Variants in KAZN observed in about 807,000 individuals in gnomAD.
The protein encoded by KAZN is kazrin.
Under a neutral mutation model 87.4 loss-of-function variants are expected in KAZN, and 40 were observed. The ratio of observed to expected loss-of-function variants is 0.46; its 90% confidence interval spans 0.36 to 0.60. The LOEUF is 0.60. Ranked by LOEUF, KAZN falls within the 20% of genes least tolerant of loss-of-function variation. KAZN has a pLI of 0.00. For missense variants in KAZN, 898 were observed against 1,073.9 expected (o/e 0.84, Z 2.29); for synonymous variants, 466 against 458.3 (o/e 1.02, Z -0.22).
intron 1 of KAZN, among the ~76,000 whole-genome samples, chr1:14,836,166 A>T (rs1647248129): frequency 6.6e-6 from 1 of 152,198 alleles, no homozygotes; most frequent in South Asian, 2.1e-4. Context: ...TGAAGCCTGC[A>T]TGCCCACCTC....
At chr1:14,396,417 C>T (rs548883432) in intron 2 of KAZN, among the ~76,000 whole-genome samples, 72 of 152,254 alleles carry the variant, frequency 4.7e-4, no homozygotes, top group Non-Finnish European at 4.9e-4. Flanking sequence ...CATACAGGTT[C>T]CAAAAAATGA....
intron 2 of KAZN, among the ~76,000 whole-genome samples, chr1:14,558,323 G>T (rs997192247): frequency 6.6e-6 from 1 of 152,158 alleles, no homozygotes. Context: ...GGGCTCAGCT[G>T]CAAGTACCAA....
intron 2 of KAZN, among the ~76,000 whole-genome samples, chr1:14,374,525 T>G (rs1660749206): frequency 1.3e-5 from 2 of 152,242 alleles, no homozygotes; most frequent in African/African-American, 4.8e-5. Flanking sequence ...ATATCCATTA[T>G]GCTAAATAAC....
chr1:14,527,765 C>T (rs935442124), intron 2 of KAZN, among the ~76,000 whole-genome samples: 11 of 152,022 alleles, frequency 7.2e-5, no homozygotes, highest in Admixed American at 5.9e-4. Flanking sequence ...ACAGCCAGCT[C>T]TAGTGGGAAC....
chr1:14,211,365 C>T (rs184746014), intron 2 of KAZN, among the ~76,000 whole-genome samples: 23 of 152,196 alleles, frequency 1.5e-4, no homozygotes, highest in Middle Eastern at 3.4e-3. Context: ...GGACTACAGG[C>T]ACCCACCACC....
chr1:14,526,517 G>C (rs559950897), intron 2 of KAZN, among the ~76,000 whole-genome samples: 1 of 152,350 alleles, frequency 6.6e-6, no homozygotes, highest in Admixed American at 6.5e-5. Context: ...AAGCTACAAA[G>C]TTTGCTGAGA....
intron 2 of KAZN, among the ~76,000 whole-genome samples, chr1:14,334,959 A>C (rs1283012056): frequency 6.6e-6 from 1 of 152,130 alleles, no homozygotes; most frequent in African/African-American, 2.4e-5. Context: ...AGAGTGAGAG[A>C]GTGACACAGA....
At chr1:14,560,091 C>A (rs1325676739) in intron 2 of KAZN, among the ~76,000 whole-genome samples, 1 of 152,168 alleles carries the variant, frequency 6.6e-6, no homozygotes, top group African/African-American at 2.4e-5. Context: ...AAGGTAAAGA[C>A]ATCTTTTGTT....
At chr1:14,545,957 T>G (rs1673115204) in intron 2 of KAZN, among the ~76,000 whole-genome samples, 1 of 151,918 alleles carries the variant, frequency 6.6e-6, no homozygotes, top group African/African-American at 2.4e-5. Flanking sequence ...CCTACCATGA[T>G]CCTCCCATGT....
At chr1:14,220,939 G>T (rs895337804) in intron 2 of KAZN, among the ~76,000 whole-genome samples, 3 of 152,146 alleles carry the variant, frequency 2.0e-5, no homozygotes, top group African/African-American at 7.2e-5. Flanking sequence ...AAAGGTTTAG[G>T]TTGAAGCAGC....
intron 1 of KAZN, among the ~76,000 whole-genome samples, chr1:14,062,246 G>A (rs145475855): frequency 3.9e-5 from 6 of 152,252 alleles, no homozygotes; most frequent in Non-Finnish European, 5.9e-5. Flanking sequence ...TGACAAAAAC[G>A]ACGGGACAGA....
intron 1 of KAZN, among the ~76,000 whole-genome samples, chr1:14,815,230 T>C (rs1296964265): frequency 1.3e-5 from 2 of 152,080 alleles, no homozygotes; most frequent in East Asian, 3.9e-4. Context: ...TCGTGGGTAA[T>C]GGAGCTCCTA....
At chr1:14,885,706 C>G (rs1436750838) in intron 1 of KAZN, among the ~76,000 whole-genome samples, 1 of 152,000 alleles carries the variant, frequency 6.6e-6, no homozygotes, top group Non-Finnish European at 1.5e-5. Flanking sequence ...CAGGTAAGAC[C>G]CATGTACTTT....
intron 2 of KAZN, among the ~76,000 whole-genome samples, chr1:14,373,899 A>C (rs973468927): frequency 6.6e-6 from 1 of 152,210 alleles, no homozygotes; most frequent in Non-Finnish European, 1.5e-5. Flanking sequence ...GTTGTTACTT[A>C]AACGGATCTT....
chr1:14,271,366 G>A (rs1023209077), intron 2 of KAZN, among the ~76,000 whole-genome samples: 1 of 152,230 alleles, frequency 6.6e-6, no homozygotes, highest in African/African-American at 2.4e-5. Context: ...CTTATACACT[G>A]TGAGGCTGTG....
chr1:14,049,907 A>T (rs963115910), intron 1 of KAZN, among the ~76,000 whole-genome samples: 1 of 152,234 alleles, frequency 6.6e-6, no homozygotes, highest in Non-Finnish European at 1.5e-5. Context: ...AGGGCCTGAC[A>T]CGGTGGGACC....
rs1676817061 is a variant in KAZN, at chr1:14,599,866, C to T, written c.226+643C>T. Among the ~76,000 whole-genome samples, 1 of 151,764 alleles carries T rather than the reference C, an allele frequency of 6.6e-6. No homozygotes were observed. The highest frequency in any genetic ancestry group is 1.5e-5 in the Non-Finnish European group (1 of 67,990). ...CTTTCCAGGGGGATACTGTAGACCT[C>T]AAAGGTTGAGCGGTAGAGAAATGAA... is the stretch of plus-strand genomic sequence containing the variant. On this transcript the variant is annotated intron_variant, in intron 1 of 14. Coordinates refer to ENST00000376030, the MANE Select transcript of KAZN (RefSeq NM_201628.3). This position sits in a 1 kb window ranked among gnomAD's most constrained non-coding sequence, Gnocchi z 4.4.
At chr1:15,012,576 TAAG>T (rs1372211030) in intron 2 of KAZN, among the ~76,000 whole-genome samples, 1 of 152,170 alleles carries the variant, frequency 6.6e-6, no homozygotes, top group Non-Finnish European at 1.5e-5. Context: ...ATCAAGGAGA[TAAG>T]AAGACACACA....
chr1:13,982,435 C>T (rs1463274215), intron 1 of KAZN, among the ~76,000 whole-genome samples: 4 of 152,304 alleles, frequency 2.6e-5, no homozygotes, highest in Non-Finnish European at 4.4e-5. Flanking sequence ...CCGACTTTCG[C>T]GCTGAGTGTT....
Sources: allele counts gnomAD v4.1 joint callset (sites outside exome capture counted in the v4.1 genomes callset), GRCh38; gene constraint gnomAD v4.1.1; non-coding constraint Gnocchi (gnomAD v3.1); transcripts MANE v1.5; gene names NCBI Gene and HGNC (gene_info 2026-07-23, HGNC 2026-07-21).